WDR72: variants seen among roughly 807,000 people sequenced by gnomAD.
The protein encoded by WDR72 is WD repeat-containing protein 72.
In WDR72, 120 loss-of-function variants were observed where a neutral mutation model predicts 124.2. The observed-to-expected ratio is 0.97, with a 90% CI of 0.83 to 1.12. WDR72 has a LOEUF of 1.12. Ranked by LOEUF, WDR72 falls within the 50% of genes most tolerant of loss-of-function variation. The probability of loss-of-function intolerance (pLI) is 0.00; values close to 1 mark genes in which losing one functional copy is unlikely to be tolerated. For missense variants in WDR72, 1,387 were observed against 1,278.8 expected (o/e 1.08, Z -1.29); for synonymous variants, 452 against 441.7 (o/e 1.02, Z -0.29).
intron 11 of WDR72, among the ~76,000 whole-genome samples, 157 bp downstream of exon 11, chr15:53,704,831 A>AAAT (rs1196613256): frequency 2.0e-5 from 3 of 151,200 alleles, no homozygotes; most frequent in Non-Finnish European, 4.4e-5. Flanking sequence ...AAAAAAAAAA[A>AAAT]ACCTATATGT....
chr15:53,664,301 T>C (rs982283063), intron 14 of WDR72, among the ~76,000 whole-genome samples: 4 of 152,206 alleles, frequency 2.6e-5, no homozygotes, highest in African/African-American at 9.6e-5. Context: ...AATTAAAGAA[T>C]TGTCATTCTA....
At chr15:53,548,259 C>G (rs140958433) in intron 18 of WDR72, among the ~76,000 whole-genome samples, 2 of 152,196 alleles carry the variant, frequency 1.3e-5, no homozygotes, top group African/African-American at 4.8e-5. Context: ...CTAAATGCAC[C>G]CGTGGTAAGG....
At chr15:53,627,207 A>G (rs905503321) in intron 14 of WDR72, among the ~76,000 whole-genome samples, 7 of 152,178 alleles carry the variant, frequency 4.6e-5, no homozygotes, top group African/African-American at 1.7e-4. Flanking sequence ...ATGAAATAAT[A>G]TTTTTTATTT....
chr15:53,750,726 T>A (rs2018753882), intron 1 of WDR72, among the ~76,000 whole-genome samples: 3 of 152,166 alleles, frequency 2.0e-5, no homozygotes. Context: ...TAACGGGAGT[T>A]GAGAAGAAGT....
intron 13 of WDR72, among the ~76,000 whole-genome samples, chr15:53,679,098 C>A (rs1319222848): frequency 6.6e-6 from 1 of 152,060 alleles, no homozygotes; most frequent in Admixed American, 6.6e-5. Context: ...TATACCCAAC[C>A]CAGAACAGGT....
intron 13 of WDR72, among the ~76,000 whole-genome samples, chr15:53,693,699 G>A (rs1329658891): frequency 2.0e-5 from 3 of 152,158 alleles, no homozygotes; most frequent in African/African-American, 7.2e-5. Context: ...TTAAAAGGTG[G>A]AAGTTTTGAC....
chr15:53,570,186 C>T (rs906524671), intron 18 of WDR72, among the ~76,000 whole-genome samples: 4 of 151,472 alleles, frequency 2.6e-5, no homozygotes, highest in African/African-American at 9.7e-5. Flanking sequence ...TTGGGCACAA[C>T]ATGATGTTTC....
At chr15:53,726,220 GTATATA>G (rs148593734) in intron 2 of WDR72, among the ~76,000 whole-genome samples, 7 of 136,478 alleles carry the variant, frequency 5.1e-5, no homozygotes, top group Admixed American at 7.4e-5. Flanking sequence ...ATATGTATGT[GTATATA>G]TATATATATG....
intron 14 of WDR72, among the ~76,000 whole-genome samples, chr15:53,655,249 A>G (rs2015379132): frequency 6.6e-6 from 1 of 150,824 alleles, no homozygotes; most frequent in African/African-American, 2.4e-5. Flanking sequence ...AAAAAAAAAA[A>G]AAAAAAAAAA....
intron 18 of WDR72, among the ~76,000 whole-genome samples, chr15:53,573,548 CTT>C (rs538068129): frequency 4.2e-5 from 6 of 143,204 alleles, no homozygotes; most frequent in Non-Finnish European, 4.6e-5. Context: ...TGCTTCTTTT[CTT>C]TTTTTTTTTT....
At chr15:53,543,661 A>T (rs1287289877) in intron 18 of WDR72, among the ~76,000 whole-genome samples, 1 of 151,840 alleles carries the variant, frequency 6.6e-6, no homozygotes, top group Non-Finnish European at 1.5e-5. Flanking sequence ...GAACTGAAGG[A>T]AATAGAGACA....
At chr15:53,722,500 T>C (rs191128825) in intron 3 of WDR72, among the ~76,000 whole-genome samples, 1 of 152,328 alleles carries the variant, frequency 6.6e-6, no homozygotes, top group Admixed American at 6.5e-5. Context: ...GATTCTACAA[T>C]ACTAGGCATT....
At chr15:53,586,069 C>T (rs1352860858) in intron 18 of WDR72, among the ~76,000 whole-genome samples, 1 of 151,978 alleles carries the variant, frequency 6.6e-6, no homozygotes, top group South Asian at 2.1e-4. Context: ...TTTTTACAAC[C>T]TTTTGGAAAG....
At chr15:53,598,796 T>C (rs1314627984) in intron 17 of WDR72, among the ~76,000 whole-genome samples, 1 of 152,190 alleles carries the variant, frequency 6.6e-6, no homozygotes. Context: ...AAGTGAATGG[T>C]GCTTACTCAT....
intron 13 of WDR72, among the ~76,000 whole-genome samples, chr15:53,676,645 T>C (rs1009749993): frequency 6.6e-6 from 1 of 152,160 alleles, no homozygotes; most frequent in African/African-American, 2.4e-5. Flanking sequence ...GTGAATTGGT[T>C]CCCAGAGCCT....
intron 9 of WDR72, among the ~76,000 whole-genome samples, chr15:53,708,723 T>G (rs561402146): frequency 2.0e-5 from 3 of 152,318 alleles, no homozygotes; most frequent in Non-Finnish European, 4.4e-5. Flanking sequence ...TCTTAGTTCA[T>G]GCACACACAT....
chr15:53,680,625 TC>T (rs1264272800), intron 13 of WDR72, among the ~76,000 whole-genome samples: 1 of 152,232 alleles, frequency 6.6e-6, no homozygotes, highest in Admixed American at 6.5e-5. Flanking sequence ...TTAGTTATCT[TC>T]CTAGAACCTT....
chr15:53,578,006 A>G (rs1193137334), intron 18 of WDR72, among the ~76,000 whole-genome samples: 1 of 152,168 alleles, frequency 6.6e-6, no homozygotes, highest in Non-Finnish European at 1.5e-5. Context: ...CTTTCAAAAT[A>G]TCTTCACCAT....
intron 17 of WDR72, among the ~76,000 whole-genome samples, chr15:53,598,943 G>A (rs1048091253): frequency 2.2e-4 from 34 of 152,130 alleles, no homozygotes; most frequent in African/African-American, 7.7e-4. Flanking sequence ...GGTTGACATG[G>A]TGAAACCCCG....
Sources: allele counts gnomAD v4.1 joint callset (sites outside exome capture counted in the v4.1 genomes callset), GRCh38; gene constraint gnomAD v4.1.1; transcripts MANE v1.5; gene names NCBI Gene and HGNC (gene_info 2026-07-23, HGNC 2026-07-21).